The following CMIP variants were observed in gnomAD, a reference collection of about 807,000 sequenced individuals.
The protein encoded by CMIP is c-Maf inducing protein.
A neutral mutation model predicts 97.3 loss-of-function variants in CMIP; 13 were observed. That is an observed-to-expected ratio of 0.13 (90% CI 0.09 to 0.21). CMIP has a LOEUF of 0.21. Among genes scored for constraint, CMIP ranks in the 10% least tolerant of loss-of-function variants. The pLI, the probability that CMIP is intolerant of heterozygous loss-of-function variation, is 1.00. For synonymous variants in CMIP, 538 were observed against 436.3 expected (o/e 1.23, Z -2.91); for missense variants, 847 against 1,024.9 (o/e 0.83, Z 2.37).
At chr16:81,566,709 A>C (rs1171120820) in intron 1 of CMIP, among the ~76,000 whole-genome samples, 1 of 152,222 alleles carries the variant, frequency 6.6e-6, no homozygotes, top group African/African-American at 2.4e-5. Context: ...AAGAATATTC[A>C]GAGCAGCCTT....
chr16:81,688,842 T>C (rs934679868), intron 10 of CMIP, among the ~76,000 whole-genome samples: 2 of 152,180 alleles, frequency 1.3e-5, no homozygotes, highest in African/African-American at 4.8e-5. Context: ...CGGTGTGTGA[T>C]GTTCCCCACC....
chr16:81,643,980 G>T (rs1275166431), intron 3 of CMIP, among the ~76,000 whole-genome samples: 1 of 152,144 alleles, frequency 6.6e-6, no homozygotes, highest in Non-Finnish European at 1.5e-5. Flanking sequence ...GGAGGCACTA[G>T]GGTTGTCCCT....
Position 81,568,039 on chromosome 16 carries a change from G to GTT in CMIP, c.301-39508_301-39507dup, listed in dbSNP as rs1555531346. 6.4e-3 allele frequency among the ~76,000 whole-genome samples: 529 copies of GTT among 82,554 alleles called. 13 individuals are homozygous for GTT. Among genetic ancestry groups the GTT allele is most frequent in the African/African-American group, 0.022 (475 of 21,346 alleles). 54.2% of individuals were successfully genotyped at this position (82,554 alleles called of 152,430 possible). ...TGAGCTTTTCAGTGTGTGTGTGTGT[G>GTT]TTTTTTTTTTTTTTTTTTTTTGAAG... is the stretch of plus-strand genomic sequence containing the variant. On this transcript the variant is annotated intron_variant, in intron 1 of 20. Transcript: ENST00000537098.
chr16:81,650,110 C>G (rs1597195759), intron 3 of CMIP, among the ~76,000 whole-genome samples: 1 of 152,236 alleles, frequency 6.6e-6, no homozygotes, highest in South Asian at 2.1e-4. Flanking sequence ...CCAGTAGTCA[C>G]TGTCACCATC....
intron 1 of CMIP, among the ~76,000 whole-genome samples, chr16:81,581,497 C>G (rs1446853437): frequency 6.6e-6 from 1 of 152,130 alleles, no homozygotes; most frequent in Non-Finnish European, 1.5e-5. Context: ...CATATCTAAA[C>G]ATAGAAAAGG....
At chr16:81,493,077 C>T (rs1021527137) in intron 1 of CMIP, among the ~76,000 whole-genome samples, 7 of 152,216 alleles carry the variant, frequency 4.6e-5, no homozygotes, top group South Asian at 4.1e-4. Context: ...AAGCTTGATT[C>T]GGGGGAAGCT....
intron 1 of CMIP, among the ~76,000 whole-genome samples, chr16:81,566,186 C>T (rs896989982): frequency 3.3e-5 from 5 of 152,184 alleles, no homozygotes; most frequent in Non-Finnish European, 7.4e-5. Flanking sequence ...AAGGAGGGTG[C>T]GCCGGTGTGG....
chr16:81,681,486 A>G (rs1172198249), intron 10 of CMIP, among the ~76,000 whole-genome samples: 1 of 152,174 alleles, frequency 6.6e-6, no homozygotes, highest in Non-Finnish European at 1.5e-5. Flanking sequence ...TGGCGCAAGT[A>G]TGGCTGCATC....
Position 81,672,061 on chromosome 16 carries a change from T to C in CMIP, c.1025T>C (p.Phe342Ser). 1.3e-6 allele frequency: 2 copies of C among 1,593,832 alleles called. No individual in the cohort carries two copies. Among genetic ancestry groups the C allele is most frequent in the Non-Finnish European group, 1.7e-6 (2 of 1,167,748 alleles). Residue 342 changes from phenylalanine (F) to serine (S), a missense_variant, in exon 9 of 21, where the codon TTC (phenylalanine) becomes TCC (serine). Physicochemically the swap from Phe to Ser is radical, Grantham distance 155. This residue lies in a region of CMIP where 285 missense variants were observed against 392.2 expected (regional missense o/e 0.73). Transcript: ENST00000537098. ...LAAIYSCYEE[F>S]INSRDNSPSL... ...GCCATCTACTCCTGCTATGAAGAGT[T>C]CATCAACAGGTCAGTTGCTGAACCA...
At position 81,678,618 on chromosome 16, in the gene CMIP, C is replaced by G; in HGVS notation, c.1378C>G (p.Leu460Val). The change falls in exon 10 of 21, where the codon CTC becomes GTC. Residue 460 changes from leucine (L) to valine (V), a missense_variant. Transcript: ENST00000537098. ...DRTLGCYVEI[L>V]KLLSDYDDWR... ...CACGCTCGGCTGCTACGTGGAAATC[C>G]TCAAGCTGCTGTGAGTGCCCCCCCC... is the stretch of plus-strand genomic sequence containing the variant. 1 of 1,565,500 alleles carries G rather than the reference C, an allele frequency of 6.4e-7. No homozygotes were observed. Among genetic ancestry groups the G allele is most frequent in the Non-Finnish European group, 8.7e-7 (1 of 1,145,086 alleles).
At chr16:81,529,818 C>T (rs1210776701) in intron 1 of CMIP, among the ~76,000 whole-genome samples, 3 of 152,172 alleles carry the variant, frequency 2.0e-5, no homozygotes, top group Admixed American at 6.5e-5. Context: ...ACTCCTTCTC[C>T]TCTGGAGGCT....
intron 1 of CMIP, among the ~76,000 whole-genome samples, chr16:81,553,508 G>GA (rs2090700702): frequency 8.2e-6 from 1 of 121,396 alleles, no homozygotes; most frequent in South Asian, 2.7e-4. Context: ...ATTCCAAACA[G>GA]AGCCCACTGC....
intron 1 of CMIP, chr16:81,476,215 T>G: frequency 7.2e-7 from 1 of 1,379,322 alleles, no homozygotes; most frequent in Non-Finnish European, 1.0e-6. Context: ...GGGTCCAGCA[T>G]TTGCCATGGA....
chr16:81,689,512 T>G (rs1905813926), intron 10 of CMIP, among the ~76,000 whole-genome samples: 1 of 152,392 alleles, frequency 6.6e-6, no homozygotes, highest in South Asian at 2.1e-4. Flanking sequence ...GTTGATTTTT[T>G]CTTGTAAATT....
At chr16:81,468,056 C>G (rs1907313237) in intron 1 of CMIP, among the ~76,000 whole-genome samples, 1 of 152,054 alleles carries the variant, frequency 6.6e-6, no homozygotes, top group South Asian at 2.1e-4. Context: ...CCGGCCCTTG[C>G]TCCTTTGTTT....
intron 3 of CMIP, among the ~76,000 whole-genome samples, chr16:81,650,149 A>G (rs1273903008): frequency 2.0e-5 from 3 of 152,048 alleles, no homozygotes; most frequent in African/African-American, 2.4e-5. Flanking sequence ...TTTACTCTTC[A>G]CTGTACACTC....
chr16:81,670,618 TTTG>T (rs777259051), intron 8 of CMIP, among the ~76,000 whole-genome samples: 2 of 54,916 alleles, frequency 3.6e-5, no homozygotes, highest in African/African-American at 1.7e-4. Flanking sequence ...TTGGGTTTTT[TTTG>T]GGGGGGGGGG....
chr16:81,450,350 G>A (rs1181104552), intron 1 of CMIP, among the ~76,000 whole-genome samples: 2 of 152,190 alleles, frequency 1.3e-5, no homozygotes, highest in Non-Finnish European at 2.9e-5. Context: ...TTCTCATGGC[G>A]CTGGATCTGG....
intron 8 of CMIP, 43 bp from the exon 9 acceptor site, chr16:81,671,923 C>T (rs778389888): frequency 1.8e-6 from 2 of 1,093,044 alleles, no homozygotes; most frequent in South Asian, 2.7e-5. Flanking sequence ...CCATGGGCCC[C>T]ACTCCTGCAG....
Sources: gnomAD v4.1 joint callset for allele counts (sites outside exome capture counted in the v4.1 genomes callset) on GRCh38, gnomAD v4.1.1 for gene constraint, gnomAD v4.1.1 regional missense constraint, MANE v1.5 for transcripts, NCBI Gene and HGNC (gene_info 2026-07-23, HGNC 2026-07-21) for gene names.